The following ADAMTSL2 variants were observed in gnomAD, a reference collection of about 807,000 sequenced individuals.
ADAMTSL2 encodes ADAMTS like 2, also known as ADAMTS-like protein 2.
A neutral mutation model predicts 117.0 loss-of-function variants in ADAMTSL2; 55 were observed. The observed-to-expected ratio is 0.47, with a 90% CI of 0.38 to 0.59. The LOEUF is 0.59. ADAMTSL2 is among the 20% of genes least tolerant of loss of function. The pLI, the probability that ADAMTSL2 is intolerant of heterozygous loss-of-function variation, is 0.00. For synonymous variants in ADAMTSL2, 572 were observed against 566.4 expected, an observed-to-expected ratio of 1.01 and a Z score of -0.14; for missense variants, 1,182 against 1,354.5, an observed-to-expected ratio of 0.87 and a Z score of 2.00.
chr9:133,568,204 G>C (rs1831020053), intron 13 of ADAMTSL2, 69 bp from the exon 14 acceptor site: 20 of 1,477,622 alleles, frequency 1.4e-5, no homozygotes, highest in Admixed American at 5.9e-5. Flanking sequence ...TTGTCTCTGG[G>C]GGTGTGGGTT....
In ADAMTSL2 at chr9:133,540,647, C is replaced by T. The variant is rs771990580; in HGVS notation, c.462C>T (p.Thr154=). 3.8e-5 allele frequency: 62 copies of T among 1,613,622 alleles called. No homozygotes were observed. The Admixed American group carries it at 7.3e-4, about 19-fold the overall frequency. ...SSKPCDLHCT[T]VDGQRQLMVP... Reference sequence around the variant, plus strand: ...AACCGTGTGACCTGCACTGTACCACCGTGGACGGCCAGCGGCAGCTCATGG... The same window carrying T: ...AACCGTGTGACCTGCACTGTACCACTGTGGACGGCCAGCGGCAGCTCATGG... Residue 154 remains threonine, a synonymous_variant, in exon 6 of 19, where the codon ACC becomes ACT. Coordinates refer to ENST00000651351, the MANE Select transcript of ADAMTSL2 (RefSeq NM_014694.4).
intron 9 of ADAMTSL2, among the ~76,000 whole-genome samples, chr9:133,549,579 C>T (rs117783606): frequency 6.5e-4 from 90 of 138,612 alleles, no homozygotes; most frequent in Non-Finnish European, 6.5e-4. Flanking sequence ...GAGAGAGGGT[C>T]TTGCTATGTT....
At chr9:133,533,490 C>T (rs13288485), upstream of ADAMTSL2, among the ~76,000 whole-genome samples, 9,158 of 152,266 alleles carry the variant, frequency 0.06, 426 homozygotes, top group African/African-American at 0.13. Context: ...GTCCCCGAAC[C>T]TCAGTTCTTC....
intron 12 of ADAMTSL2, among the ~76,000 whole-genome samples, chr9:133,565,923 A>G (rs1354673920): frequency 6.6e-6 from 1 of 151,904 alleles, no homozygotes; most frequent in Non-Finnish European, 1.5e-5. Context: ...GGCCGTTCCC[A>G]CTGCTGCCGG....
In ADAMTSL2 at chr9:133,537,484, C is replaced by T. The variant is rs1830080519; in HGVS notation, c.170C>T (p.Thr57Met). Residue 57 changes from threonine (T) to methionine (M), a missense_variant, in exon 3 of 19, where the codon ACG (threonine) becomes ATG (methionine). By Grantham distance (81) the Thr-to-Met change is moderately conservative. Around this residue, in one of 3 missense-constraint regions of ADAMTSL2, gnomAD observed 372 missense variants for 463.4 expected, o/e 0.80. Coordinates refer to ENST00000651351, the MANE Select transcript of ADAMTSL2 (RefSeq NM_014694.4). ...TGGTGGGGGGAGTGGACCAAGTGGA[C>T]GGCGTGTTCCCGCAGTTGCGGGGGT... ...AFWWGEWTKW[T>M]ACSRSCGGGV... 2.2e-6 allele frequency: 3 copies of T among 1,355,132 alleles called. No homozygotes were observed. The highest frequency in any genetic ancestry group is 2.9e-5 in the Admixed American group (1 of 34,790). The allele number at this position is 1,355,132 out of a possible 1,614,324, so 83.9% of individuals were successfully genotyped here.
chr9:133,542,041 A>G (rs1564495490), intron 7 of ADAMTSL2, among the ~76,000 whole-genome samples: 1 of 152,204 alleles, frequency 6.6e-6, no homozygotes, highest in Non-Finnish European at 1.5e-5. Context: ...CAAGGTCCCA[A>G]TGAGGCCAGT....
chr9:133,534,960 C>T (rs1346736650), intron 1 of ADAMTSL2, 43 bp downstream of exon 1: 3 of 1,359,170 alleles, frequency 2.2e-6, no homozygotes, highest in South Asian at 3.4e-5. Context: ...GCAGCGTCCA[C>T]CAGGCCAGCC....
chr9:133,544,981 A>G (rs1349476345), intron 8 of ADAMTSL2, among the ~76,000 whole-genome samples: 2 of 149,202 alleles, frequency 1.3e-5, no homozygotes, highest in Non-Finnish European at 3.0e-5. Context: ...CTGGGGTCTC[A>G]TGCTGATGTT....
In ADAMTSL2 at chr9:133,574,999, C is replaced by T. The variant is rs1213805320; in HGVS notation, c.*135C>T. 5.3e-5 allele frequency: 37 copies of T among 698,596 alleles called. No homozygotes were observed. The highest frequency in any genetic ancestry group is 4.8e-4 in the African/African-American group (27 of 56,196). 43.3% of individuals were successfully genotyped at this position (698,596 alleles called of 1,614,324 possible). A position where few individuals can be genotyped will look rare whatever the true frequency, so the allele number is the denominator to read the frequency against. On this transcript the variant is annotated 3_prime_UTR_variant, in exon 19 of 19. Transcript: ENST00000651351. ...AGACGTGGCACTGAGCCTCGGCTGT[C>T]GAGAGGGGACTTCCCACGGCCCGTG...
chr9:133,549,743 C>T (rs1225964444), intron 9 of ADAMTSL2, among the ~76,000 whole-genome samples: 1 of 152,200 alleles, frequency 6.6e-6, no homozygotes, highest in Non-Finnish European at 1.5e-5. Flanking sequence ...CGTTTCCATG[C>T]TGCTGGTCTC....
At chr9:133,532,951 T>C (rs916544865), upstream of ADAMTSL2, among the ~76,000 whole-genome samples, 9 of 151,892 alleles carry the variant, frequency 5.9e-5, no homozygotes, top group African/African-American at 2.2e-4. Flanking sequence ...ACTGGGGGTG[T>C]TTGTGTTGGT....
chr9:133,570,844 G>A (rs1831089349), intron 17 of ADAMTSL2, among the ~76,000 whole-genome samples: 1 of 152,210 alleles, frequency 6.6e-6, no homozygotes, highest in South Asian at 2.1e-4. Context: ...CAGACCCCAG[G>A]TGGGCGGGGG....
chr9:133,539,655 G>A (rs1410824410), intron 4 of ADAMTSL2, 116 bp from the exon 5 acceptor site: 6 of 959,300 alleles, frequency 6.3e-6, no homozygotes, highest in South Asian at 5.8e-5. Context: ...GCCCCCGCAC[G>A]GCTGTCCCGG....
rs769290624 is a variant in ADAMTSL2, at chr9:133,536,796, G to C, written c.84G>C (p.Gly28=). 2.2e-5 allele frequency: 35 copies of C among 1,614,086 alleles called. No individual in the cohort carries two copies. In the Middle Eastern group the frequency reaches 8.2e-4, roughly 38 times the overall value. ...TAGCTGGGGACACAGTGTCAACCGG[G>C]TCCACGGTGAGTGGGGTGTTGTGGT... ...AVVAGDTVST[G]STDNSPTSNS... is the part of the protein sequence containing the mutation. The change falls in exon 2 of 19, where the codon GGG becomes GGC. Residue 28 remains glycine (G), a synonymous_variant. Transcript: ENST00000651351.
intron 9 of ADAMTSL2, among the ~76,000 whole-genome samples, chr9:133,553,013 C>G (rs1244344293): frequency 6.6e-6 from 1 of 152,146 alleles, no homozygotes; most frequent in Non-Finnish European, 1.5e-5. Flanking sequence ...CCTGACTGGG[C>G]GAGAATGTGA....
rs1009796720 is a variant in ADAMTSL2, at chr9:133,575,214, G to T, written c.*350G>T. ...GCCAGCGGTGGAGGTGTCTTGCTCC[G>T]GGCCCGTAGCCCACGCCCTCTCTGG... On this transcript the variant is annotated 3_prime_UTR_variant, in exon 19 of 19. Coordinates refer to ENST00000651351, the MANE Select transcript of ADAMTSL2 (RefSeq NM_014694.4). 8.9e-6 allele frequency: 3 copies of T among 336,944 alleles called. No individual in the cohort carries two copies. Among genetic ancestry groups the T allele is most frequent in the East Asian group, 1.4e-4 (2 of 14,224 alleles). 20.9% of individuals were successfully genotyped at this position (336,944 alleles called of 1,614,324 possible). A position where few individuals can be genotyped will look rare whatever the true frequency, so the allele number is the denominator to read the frequency against.
intron 2 of ADAMTSL2, 55 bp downstream of exon 2, chr9:133,536,857 T>G: frequency 6.2e-7 from 1 of 1,612,690 alleles, no homozygotes; most frequent in Non-Finnish European, 8.5e-7. Flanking sequence ...CCAGGTGCTG[T>G]GATCACTCTC....
intron 11 of ADAMTSL2, among the ~76,000 whole-genome samples, chr9:133,556,593 A>G (rs1830610014): frequency 1.3e-5 from 2 of 152,232 alleles, no homozygotes; most frequent in Admixed American, 1.3e-4. Context: ...GGCAAGGGCC[A>G]TGAGAGAGTC....
intron 5 of ADAMTSL2, 66 bp downstream of exon 5, chr9:133,539,939 C>A: frequency 1.4e-6 from 2 of 1,442,058 alleles, no homozygotes; most frequent in Non-Finnish European, 1.9e-6. Flanking sequence ...GCCCTTCCGG[C>A]ACCTGGGACC....
Sources: allele counts gnomAD v4.1 joint callset (sites outside exome capture counted in the v4.1 genomes callset), GRCh38; gene constraint gnomAD v4.1.1; regional missense constraint gnomAD v4.1.1; transcripts MANE v1.5; gene names NCBI Gene and HGNC (gene_info 2026-07-23, HGNC 2026-07-21).